COL23A1: variants seen among roughly 807,000 people sequenced by gnomAD.
The protein encoded by COL23A1 is collagen type XXIII alpha 1 chain.
COL23A1 carries 97 observed loss-of-function variants against 99.3 expected under a neutral mutation model. That is an observed-to-expected ratio of 0.98 (90% CI 0.83 to 1.16). COL23A1 has a LOEUF of 1.16. Ranked by LOEUF, COL23A1 falls within the 50% of genes most tolerant of loss-of-function variation. The probability of loss-of-function intolerance (pLI) is 0.00; values close to 1 mark genes in which losing one functional copy is unlikely to be tolerated. For synonymous variants in COL23A1, 320 were observed against 308.2 expected (o/e 1.04, Z -0.40); for missense variants, 762 against 757.4 (o/e 1.01, Z -0.07).
At chr5:178,555,981 T>C (rs1762250549) in intron 2 of COL23A1, among the ~76,000 whole-genome samples, 1 of 150,996 alleles carries the variant, frequency 6.6e-6, no homozygotes, top group African/African-American at 2.5e-5. Context: ...GCCTGCAGCG[T>C]GCCTGGGAGA....
At chr5:178,527,546 A>AGCTTGCCTGG (rs1760378832) in intron 2 of COL23A1, among the ~76,000 whole-genome samples, 1 of 152,214 alleles carries the variant, frequency 6.6e-6, no homozygotes, top group Non-Finnish European at 1.5e-5. Context: ...GTGTGTCCCA[A>AGCTTGCCTGG]GCTTGCCTGG....
chr5:178,263,224 C>T lies in COL23A1; in HGVS notation c.623G>A (p.Gly208Glu), dbSNP rs1261089909. 1.2e-6 allele frequency: 2 copies of T among 1,613,508 alleles called. No homozygotes were observed. Among genetic ancestry groups the T allele is most frequent in the Non-Finnish European group, 1.7e-6 (2 of 1,179,730 alleles). ...PGDTGKDGPRGAQGPAGPKGE... is the reference protein window; with the variant it reads ...PGDTGKDGPREAQGPAGPKGE... ...CTCTCTTACCGCTGGGCCTTGTGCTCCCCTGGGGCCATCTTTCCCAGTGTC... is the reference window on the plus strand; with the variant it reads ...CTCTCTTACCGCTGGGCCTTGTGCTTCCCTGGGGCCATCTTTCCCAGTGTC... The change falls in exon 9 of 29, where the codon GGA (glycine) becomes GAA (glutamate). Residue 208 changes from glycine (G) to glutamate (E), a missense_variant. Physicochemically the swap from Gly to Glu is moderately conservative, Grantham distance 98. Transcript: ENST00000390654.
chr5:178,430,192 T>C (rs559259611), intron 2 of COL23A1, among the ~76,000 whole-genome samples: 20 of 152,272 alleles, frequency 1.3e-4, no homozygotes, highest in African/African-American at 4.1e-4. Flanking sequence ...ATTATCTTGA[T>C]TGGACATTCA....
intron 2 of COL23A1, among the ~76,000 whole-genome samples, chr5:178,456,241 A>C (rs2546629): frequency 0.36 from 54,802 of 152,138 alleles, 10,758 homozygotes; most frequent in African/African-American, 0.5. Flanking sequence ...ATACTTCCCT[A>C]GGCTTCTATA....
intron 2 of COL23A1, among the ~76,000 whole-genome samples, chr5:178,431,262 G>C (rs1766248789): frequency 6.6e-6 from 1 of 152,182 alleles, no homozygotes; most frequent in African/African-American, 2.4e-5. Flanking sequence ...GTCACACGCA[G>C]GGTGTGTCCT....
At chr5:178,323,776 T>A (rs1759481396) in intron 2 of COL23A1, among the ~76,000 whole-genome samples, 2 of 152,160 alleles carry the variant, frequency 1.3e-5, no homozygotes, top group Non-Finnish European at 2.9e-5. Flanking sequence ...GGACCTACCA[T>A]GAGCCATGCG....
chr5:178,389,376 A>G (rs1343498675), intron 2 of COL23A1, among the ~76,000 whole-genome samples: 2 of 152,206 alleles, frequency 1.3e-5, no homozygotes, highest in South Asian at 2.1e-4. Context: ...AGAGACTCAC[A>G]GCACACAGCA....
chr5:178,436,525 G>A (rs1320481688), intron 2 of COL23A1, among the ~76,000 whole-genome samples: 1 of 152,166 alleles, frequency 6.6e-6, no homozygotes, highest in Non-Finnish European at 1.5e-5. Context: ...CAAACCACCT[G>A]GAAACACACT....
chr5:178,286,494 A>G (rs995422370), intron 5 of COL23A1, among the ~76,000 whole-genome samples: 4 of 152,208 alleles, frequency 2.6e-5, no homozygotes, highest in Admixed American at 2.6e-4. Flanking sequence ...AATTCCCGAC[A>G]GTCCTGTCAT....
chr5:178,291,011 G>C (rs933630188), intron 3 of COL23A1, among the ~76,000 whole-genome samples: 1 of 152,220 alleles, frequency 6.6e-6, no homozygotes, highest in Non-Finnish European at 1.5e-5. Flanking sequence ...ACCATCTTTT[G>C]TGAGAGGTCT....
At chr5:178,339,994 TG>T (rs1760562874) in intron 2 of COL23A1, among the ~76,000 whole-genome samples, 1 of 151,778 alleles carries the variant, frequency 6.6e-6, no homozygotes, top group African/African-American at 2.4e-5. Context: ...GGTGGTGGGA[TG>T]GGTGGGTGGC....
intron 2 of COL23A1, among the ~76,000 whole-genome samples, chr5:178,343,883 G>A (rs548012287): frequency 5.9e-5 from 9 of 152,038 alleles, no homozygotes; most frequent in Admixed American, 3.9e-4. Context: ...GGATGGTCTC[G>A]ATCTCCTGAG....
intron 1 of COL23A1, among the ~76,000 whole-genome samples, chr5:178,575,939 A>G (rs1763329466): frequency 6.6e-6 from 1 of 152,228 alleles, no homozygotes; most frequent in Non-Finnish European, 1.5e-5. Context: ...CAATCTTCCA[A>G]GCGAGCAAGT....
At chr5:178,388,347 T>G (rs1207707261) in intron 2 of COL23A1, among the ~76,000 whole-genome samples, 1 of 152,226 alleles carries the variant, frequency 6.6e-6, no homozygotes, top group Non-Finnish European at 1.5e-5. Context: ...ACGTTCCCTC[T>G]TCTCAAAGGT....
chr5:178,422,450 T>C (rs886548450), intron 2 of COL23A1, among the ~76,000 whole-genome samples: 20 of 152,194 alleles, frequency 1.3e-4, no homozygotes, highest in African/African-American at 4.3e-4. Flanking sequence ...CATTTGGCTC[T>C]GGGGACTGAG....
At position 178,313,807 on chromosome 5, in the gene COL23A1, G is replaced by T. The variant is rs879664262; in HGVS notation, c.362-6888C>A. On this transcript the variant is annotated intron_variant, in intron 2 of 28. Coordinates refer to ENST00000390654, the MANE Select transcript of COL23A1 (RefSeq NM_173465.4). This position sits in a 1 kb window ranked among gnomAD's most constrained non-coding sequence, Gnocchi z 4.2. ...CTTCAGTCTGGAGCTCTATGAGATT[G>T]CTGGGGCTTCAGGGCCATCAGGGGG... is the stretch of plus-strand genomic sequence containing the variant. Among the ~76,000 whole-genome samples, 2 of 152,190 alleles carry T rather than the reference G, an allele frequency of 1.3e-5. No homozygotes were observed. Among genetic ancestry groups the T allele is most frequent in the Non-Finnish European group, 2.9e-5 (2 of 68,028 alleles).
Position 178,249,716 on chromosome 5 carries a change from A to ACACTCTCTCTCTCT in COL23A1, c.1059+344_1059+345insAGAGAGAGAGAGTG. Among the ~76,000 whole-genome samples the ACACTCTCTCTCTCT allele has an allele frequency of 5.8e-4, 54 of 92,810 alleles. 1 individual carries two copies. Among genetic ancestry groups the ACACTCTCTCTCTCT allele is most frequent in the African/African-American group, 2.2e-3 (52 of 23,488 alleles). The allele number at this position is 92,810 out of a possible 152,430, so 60.9% of individuals were successfully genotyped here. A position where few individuals can be genotyped will look rare whatever the true frequency, so the allele number is the denominator to read the frequency against. The stretch of plus-strand genomic sequence containing the variant: ...CACACACACACACACACACACACAC[A>ACACTCTCTCTCTCT]CTCTCTCTCTCTCTCTCTCTCTCTC... On this transcript the variant is annotated intron_variant, in intron 18 of 28. Transcript: ENST00000390654.
At chr5:178,482,518 C>A (rs1191422159) in intron 2 of COL23A1, among the ~76,000 whole-genome samples, 2 of 152,128 alleles carry the variant, frequency 1.3e-5, no homozygotes, top group Non-Finnish European at 2.9e-5. Flanking sequence ...GAAAAAGGTT[C>A]TGAGATGGAT....
chr5:178,483,459 C>T (rs1020207524), intron 2 of COL23A1, among the ~76,000 whole-genome samples: 3 of 152,234 alleles, frequency 2.0e-5, no homozygotes, highest in Non-Finnish European at 4.4e-5. Flanking sequence ...ATTCTCTCTG[C>T]TCACATCTTC....
Sources: allele counts gnomAD v4.1 joint callset (sites outside exome capture counted in the v4.1 genomes callset), GRCh38; gene constraint gnomAD v4.1.1; non-coding constraint Gnocchi (gnomAD v3.1); transcripts MANE v1.5; gene names NCBI Gene and HGNC (gene_info 2026-07-23, HGNC 2026-07-21).